Variants in PRCD observed in about 807,000 individuals in gnomAD.
PRCD encodes the protein photoreceptor disk component PRCD.
Under a neutral mutation model 10.1 loss-of-function variants are expected in PRCD, and 12 were observed. The ratio of observed to expected loss-of-function variants is 1.18; its 90% CI spans 0.76 to 1.92. The LOEUF is 1.92. Ranked by LOEUF, PRCD falls within the 40% of genes most tolerant of loss-of-function variation. The probability of loss-of-function intolerance (pLI) is 0.00; values close to 1 mark genes in which losing one functional copy is unlikely to be tolerated. For synonymous variants in PRCD, 31 were observed against 26.2 expected (o/e 1.18, Z -0.56); for missense variants, 61 against 72.2 (o/e 0.84, Z 0.56).
chr17:76,543,650 C>T (rs1411038088), intron 4 of PRCD, among the ~76,000 whole-genome samples, 153 bp from the exon 5 acceptor site: 2 of 152,372 alleles, frequency 1.3e-5, no homozygotes, highest in East Asian at 3.9e-4. Flanking sequence ...CCCCTGGAAC[C>T]TAACAGTTTG....
At chr17:76,538,637 C>T, upstream of PRCD, 1 of 359,808 alleles carries the variant, frequency 2.8e-6, no homozygotes, top group Non-Finnish European at 5.8e-6. Flanking sequence ...CTGGGGACAT[C>T]TCAGCCGCCA....
intron 1 of PRCD, among the ~76,000 whole-genome samples, chr17:76,534,128 TTCTCTCTCTCTTTCTCTTTCTC>T (rs1387285841): frequency 2.5e-4 from 33 of 133,424 alleles, no homozygotes; most frequent in Middle Eastern, 8.1e-3. Flanking sequence ...CTTTCTTTCT[TTCTCTCTCTCTTTCTCTTTCTC>T]TCTCTCTCTC....
chr17:76,539,059 C>T (rs150573334), upstream of PRCD, among the ~76,000 whole-genome samples: 1,419 of 152,340 alleles, frequency 9.3e-3, 16 homozygotes, highest in African/African-American at 0.032. Flanking sequence ...TGAGGCAGTG[C>T]CTCTGACACT....
rs1351268659 is a variant in PRCD, at chr17:76,545,230, T to G, written c.*1580T>G. ...AGCTCCTGCTGCAGAAAGTTACCTC[T>G]CTCAGCCTAGAGCTCCCCACAGAAG... On this transcript the variant is annotated 3_prime_UTR_variant, in exon 5 of 5. Coordinates refer to ENST00000592014, the MANE Select transcript of PRCD (RefSeq NM_001077620.3). 2.2e-6 allele frequency: 1 copy of G among 456,778 alleles called. No homozygotes were observed. Among genetic ancestry groups the G allele is most frequent in the Admixed American group, 2.3e-5 (1 of 42,588 alleles). The allele number at this position is 456,778 out of a possible 1,614,324, so 28.3% of individuals were successfully genotyped here. A position where few individuals can be genotyped will look rare whatever the true frequency, so the allele number is the denominator to read the frequency against.
chr17:76,547,174 G>C (rs1405115033), downstream of PRCD: 1 of 152,334 alleles, frequency 6.6e-6, no homozygotes, highest in Non-Finnish European at 1.5e-5. Context: ...CCAGGTGAGG[G>C]GGAGAGGAGA....
At position 76,540,632 on chromosome 17, in the gene PRCD, C is replaced by A; in HGVS notation, c.143+59C>A. ...TGCTGCCAAGGAAGCTGTGGCTGTG[C>A]ATGCCTGGGGGTGCACGTGTGTGCC... On this transcript the variant is annotated intron_variant, in intron 2 of 4. Coordinates refer to ENST00000592014, the MANE Select transcript of PRCD (RefSeq NM_001077620.3). This position sits in a 1 kb window ranked among gnomAD's most constrained non-coding sequence, Gnocchi z 5.0. 1 of 1,545,692 alleles carries A rather than the reference C, an allele frequency of 6.5e-7. No homozygotes were observed. The highest frequency in any genetic ancestry group is 8.9e-7 in the Non-Finnish European group (1 of 1,121,350).
In PRCD at chr17:76,540,564, C is replaced by T. The variant is rs748625799; in HGVS notation, c.134C>T (p.Ser45Phe). 1.9e-6 allele frequency: 3 copies of T among 1,613,370 alleles called. No individual in the cohort carries two copies. Among genetic ancestry groups the T allele is most frequent in the Admixed American group, 1.7e-5 (1 of 60,022 alleles). ...AGCAGCTTGGATGCGGACCCTCAGT[C>T]CTCAGGCAGGTAAGGCAGGAGTCTG... is the stretch of plus-strand genomic sequence containing the variant. ...RGSSLDADPQSSGREKEPLK is the reference protein window; with the variant it reads ...RGSSLDADPQFSGREKEPLK The change falls in exon 2 of 5, where the codon TCC becomes TTC. Residue 45 changes from serine to phenylalanine, a missense_variant. Ser to Phe is a radical substitution (Grantham distance 155). Coordinates refer to ENST00000592014, the MANE Select transcript of PRCD (RefSeq NM_001077620.3). This position sits in a 1 kb window ranked among gnomAD's most constrained non-coding sequence, Gnocchi z 5.0.
rs902444184 is a variant in PRCD at position 76,528,461 on chromosome 17, T to G, written n.45+628T>G. 1 of 995,264 alleles carries G rather than the reference T, an allele frequency of 1.0e-6. No homozygotes were observed. The highest frequency in any genetic ancestry group is 1.3e-6 in the Non-Finnish European group (1 of 752,250). The allele number at this position is 995,264 out of a possible 1,614,324, so 61.7% of individuals were successfully genotyped here. A position where few individuals can be genotyped will look rare whatever the true frequency, so the allele number is the denominator to read the frequency against. On this transcript the variant is annotated intron_variant and non_coding_transcript_variant, in intron 1 of 4. Coordinates refer to the PRCD transcript ENST00000397633. The surrounding 1 kb of genome is among the most constrained non-coding windows in gnomAD (Gnocchi z 5.8). ...GCCACAGAGGCCTCCTTCGGGGAAG[T>G]TGAGTCAGGGATTCCTCCAGCTTCC...
Position 76,545,309 on chromosome 17 carries a change from T to C in PRCD, c.*1659T>C. Reference sequence around the variant, plus strand: ...GGCCCACTGGCTCCCATCACAGGGCTTAGTGTGAAGCTCAGGGCAAGGGTG... The same window carrying C: ...GGCCCACTGGCTCCCATCACAGGGCCTAGTGTGAAGCTCAGGGCAAGGGTG... On this transcript the variant is annotated 3_prime_UTR_variant, in exon 5 of 5. Coordinates refer to ENST00000592014, the MANE Select transcript of PRCD (RefSeq NM_001077620.3). 2.2e-6 allele frequency: 1 copy of C among 456,764 alleles called. No homozygotes were observed. Among genetic ancestry groups the C allele is most frequent in the Non-Finnish European group, 4.4e-6 (1 of 226,976 alleles). 28.3% of individuals were successfully genotyped at this position (456,764 alleles called of 1,614,324 possible).
Position 76,544,608 on chromosome 17 carries a change from C to T in PRCD, c.*958C>T, listed in dbSNP as rs902869199. 3 of 456,628 alleles carry T rather than the reference C, an allele frequency of 6.6e-6. No individual in the cohort carries two copies. The highest frequency in any genetic ancestry group is 4.7e-5 in the Admixed American group (2 of 42,572). 28.3% of individuals were successfully genotyped at this position (456,628 alleles called of 1,614,324 possible). Reference sequence around the variant, plus strand: ...GCCAGCCTGACCCAGGCCGTGAGCCCGTGATCGCCTGTCTCAGCTCCTGTC... The same window carrying T: ...GCCAGCCTGACCCAGGCCGTGAGCCTGTGATCGCCTGTCTCAGCTCCTGTC... On this transcript the variant is annotated 3_prime_UTR_variant, in exon 5 of 5. Transcript: ENST00000592014.
In PRCD at chr17:76,544,595, C is replaced by G. The variant is rs1267080847; in HGVS notation, c.*945C>G. 1 of 456,746 alleles carries G rather than the reference C, an allele frequency of 2.2e-6. No individual in the cohort carries two copies. Among genetic ancestry groups the G allele is most frequent in the East Asian group, 6.9e-5 (1 of 14,396 alleles). The allele number at this position is 456,746 out of a possible 1,614,324, so 28.3% of individuals were successfully genotyped here. On this transcript the variant is annotated 3_prime_UTR_variant, in exon 5 of 5. Coordinates refer to ENST00000592014, the MANE Select transcript of PRCD (RefSeq NM_001077620.3). ...GCAAAGCCAGAGCGCCAGCCTGACC[C>G]AGGCCGTGAGCCCGTGATCGCCTGT...
intron 1 of PRCD, among the ~76,000 whole-genome samples, chr17:76,552,478 C>T (rs914454009): frequency 5.9e-5 from 9 of 151,988 alleles, no homozygotes; most frequent in African/African-American, 9.7e-5. Context: ...GGATTACAGG[C>T]GTGAGCCACT....
chr17:76,541,263 G>C (rs2143151953), intron 2 of PRCD, among the ~76,000 whole-genome samples: 2 of 152,336 alleles, frequency 1.3e-5, no homozygotes, highest in South Asian at 2.1e-4. Flanking sequence ...CCATGCATGA[G>C]GGGTTCCTTC....
intron 1 of PRCD, among the ~76,000 whole-genome samples, chr17:76,534,165 TCTCTCTCTC>T (rs2074887430): frequency 6.7e-6 from 1 of 149,444 alleles, no homozygotes; most frequent in African/African-American, 2.4e-5. Context: ...TCTCTCTCTC[TCTCTCTCTC>T]TCTTTCTTTC....
In PRCD at chr17:76,540,328, G is replaced by C; in HGVS notation, c.74+113G>C. ...GCTGCGTGAACCTTCAGCGGGGCTG[G>C]GAGGGCATTTTGAGGAACCCTTGAG... On this transcript the variant is annotated intron_variant, in intron 1 of 4. Transcript: ENST00000592014. This position sits in a 1 kb window ranked among gnomAD's most constrained non-coding sequence, Gnocchi z 5.0. 1 of 1,368,384 alleles carries C rather than the reference G, an allele frequency of 7.3e-7. No individual in the cohort carries two copies. The highest frequency in any genetic ancestry group is 2.0e-5 in the Admixed American group (1 of 50,998). 84.8% of individuals were successfully genotyped at this position (1,368,384 alleles called of 1,614,324 possible). A position where few individuals can be genotyped will look rare whatever the true frequency, so the allele number is the denominator to read the frequency against.
rs2075019954 is a variant in PRCD, at chr17:76,543,796, T to C, written c.*153-7T>C. 2.1e-6 allele frequency: 1 copy of C among 470,784 alleles called. No homozygotes were observed. Among genetic ancestry groups the C allele is most frequent in the Admixed American group, 2.3e-5 (1 of 42,570 alleles). The allele number at this position is 470,784 out of a possible 1,614,324, so 29.2% of individuals were successfully genotyped here. ...CACTCGCTTTTGTGTCATTTGCCTT[T>C]CCCCAGTTCCCAGAGCTCATCCTGT... On this transcript the variant is annotated splice_polypyrimidine_tract_variant and splice_region_variant and intron_variant, in intron 4 of 4. Coordinates refer to ENST00000592014, the MANE Select transcript of PRCD (RefSeq NM_001077620.3).
chr17:76,544,217 G>A lies in PRCD; in HGVS notation c.*567G>A, dbSNP rs752862392. On this transcript the variant is annotated 3_prime_UTR_variant, in exon 5 of 5. Coordinates refer to ENST00000592014, the MANE Select transcript of PRCD (RefSeq NM_001077620.3). ...ACCCCCCGTGCCTCTGTGCACACGC[G>A]TCTCTCCTCCCCAGCCAGCCCCCCT... is the stretch of plus-strand genomic sequence containing the variant. The A allele has an allele frequency of 1.6e-4, 73 of 454,352 alleles. 1 individual carries two copies. Among genetic ancestry groups the A allele is most frequent in the South Asian group, 9.9e-4 (64 of 64,478 alleles). 28.1% of individuals were successfully genotyped at this position (454,352 alleles called of 1,614,324 possible). A position where few individuals can be genotyped will look rare whatever the true frequency, so the allele number is the denominator to read the frequency against.
chr17:76,536,939 G>A (rs1406092240), upstream of PRCD, among the ~76,000 whole-genome samples: 1 of 152,226 alleles, frequency 6.6e-6, no homozygotes. Context: ...GTTCTTCCAA[G>A]AGGCTTTGAA....
chr17:76,538,442 C>A, upstream of PRCD: 1 of 464,294 alleles, frequency 2.2e-6, no homozygotes, highest in South Asian at 1.6e-5. Context: ...CACCTCCATG[C>A]CCTCGGTGCA....
Sources: gnomAD v4.1 joint callset for allele counts (sites outside exome capture counted in the v4.1 genomes callset) on GRCh38, gnomAD v4.1.1 for gene constraint, Gnocchi (gnomAD v3.1) non-coding constraint, MANE v1.5 for transcripts, NCBI Gene and HGNC (gene_info 2026-07-23, HGNC 2026-07-21) for gene names.